The following HMOX2 variants were observed in gnomAD, a reference collection of about 807,000 sequenced individuals.
HMOX2 encodes heme oxygenase 2.
A neutral mutation model predicts 33.7 loss-of-function variants in HMOX2; 30 were observed. That is an observed-to-expected ratio of 0.89 (90% confidence interval 0.67 to 1.21). The LOEUF (loss-of-function observed/expected upper bound fraction) is 1.21. Ranked by LOEUF, HMOX2 falls within the 50% of genes most tolerant of loss-of-function variation. The probability of loss-of-function intolerance (pLI) is 0.00; values close to 1 mark genes in which losing one functional copy is unlikely to be tolerated. For missense variants in HMOX2, 403 were observed against 399.1 expected (o/e 1.01, Z -0.08); for synonymous variants, 155 against 155.0 (o/e 1.00, Z 0.00).
In HMOX2 at chr16:4,486,400, AGT is replaced by A. The variant is rs141736626; in HGVS notation, c.-42+9917_-42+9918del. ...TGAGGCCACAGCAACTTAACTGGCT[AGT>A]GTGGGTGAGGCAGAAGTGTTTGAAG... On this transcript the variant is annotated intron_variant, in intron 1 of 5. Transcript: ENST00000570646. 9.5e-3 allele frequency among the ~76,000 whole-genome samples: 1,450 copies of A among 152,306 alleles called. 13 individuals carry two copies. The highest frequency in any genetic ancestry group is 0.013 in the Non-Finnish European group (851 of 68,026).
rs2058736140 is a variant in HMOX2, at chr16:4,507,938, A to G, written c.430A>G (p.Asn144Asp). 6.2e-7 allele frequency: 1 copy of G among 1,613,824 alleles called. No homozygotes were observed. The highest frequency in any genetic ancestry group is 8.5e-7 in the Non-Finnish European group (1 of 1,179,964). The change falls in exon 4 of 6, where the codon AAC becomes GAC. Residue 144 changes from asparagine to aspartate, a missense_variant. Physicochemically the swap from Asn to Asp is conservative, Grantham distance 23. Transcript: ENST00000570646. ...YVERIHYIGQ[N>D]EPELLVAHAY... ...GGAGCGGATCCACTACATAGGGCAG[A>G]ACGAGCCGGAGCTACTGGTGGCCCA...
chr16:4,499,675 G>C (rs1303379601), intron 1 of HMOX2, among the ~76,000 whole-genome samples: 1 of 152,168 alleles, frequency 6.6e-6, no homozygotes, highest in East Asian at 1.9e-4. Flanking sequence ...GATTTTAAAA[G>C]TTGTCACCAC....
chr16:4,486,558 C>T (rs2058173841), intron 1 of HMOX2, among the ~76,000 whole-genome samples: 1 of 152,154 alleles, frequency 6.6e-6, no homozygotes, highest in African/African-American at 2.4e-5. Context: ...AGGTCACGAA[C>T]TTTTCAAGGA....
intron 1 of HMOX2, among the ~76,000 whole-genome samples, chr16:4,480,882 G>A (rs186096732): frequency 2.4e-4 from 36 of 151,322 alleles, no homozygotes; most frequent in Admixed American, 6.6e-4. Context: ...TCAAACTTCT[G>A]ATGTCAGGTG....
At chr16:4,494,671 G>A (rs2058377930) in intron 1 of HMOX2, among the ~76,000 whole-genome samples, 1 of 151,124 alleles carries the variant, frequency 6.6e-6, no homozygotes, top group South Asian at 2.1e-4. Flanking sequence ...TTGAGTCCAG[G>A]AGTTTGAGAC....
At chr16:4,482,273 C>T (rs1380988160) in intron 1 of HMOX2, among the ~76,000 whole-genome samples, 1 of 152,116 alleles carries the variant, frequency 6.6e-6, no homozygotes, top group Non-Finnish European at 1.5e-5. Context: ...ATATGCTGTT[C>T]TGAGAAACTA....
Position 4,506,944 on chromosome 16 carries a change from G to C in HMOX2, c.136G>C (p.Asp46His). 6.2e-7 allele frequency: 1 copy of C among 1,614,088 alleles called. No homozygotes were observed. Among genetic ancestry groups the C allele is most frequent in the Non-Finnish European group, 8.5e-7 (1 of 1,179,996 alleles). ...GAAGGAAGGGACCAAGGAAGCACAC[G>C]ACCGGGCAGAAAACACCCAGTTTGT... The part of the protein sequence containing the change: ...LLKEGTKEAH[D>H]RAENTQFVKD... Residue 46 changes from aspartate to histidine, a missense_variant, in exon 3 of 6, where the codon GAC (aspartate) becomes CAC (histidine). By Grantham distance (81) the Asp-to-His change is moderately conservative. Transcript: ENST00000570646.
At chr16:4,490,297 G>A (rs1044334173) in intron 1 of HMOX2, among the ~76,000 whole-genome samples, 9 of 152,114 alleles carry the variant, frequency 5.9e-5, no homozygotes, top group Non-Finnish European at 1.2e-4. Flanking sequence ...GCAGGGTATG[G>A]GAGGCCCACA....
At chr16:4,501,321 ATCC>A (rs2058552867) in intron 1 of HMOX2, among the ~76,000 whole-genome samples, 2 of 152,164 alleles carry the variant, frequency 1.3e-5, no homozygotes, top group African/African-American at 4.8e-5. Context: ...GGTGTTTGGG[ATCC>A]TTTTTAAAAA....
intron 1 of HMOX2, among the ~76,000 whole-genome samples, chr16:4,492,774 A>G (rs1785566618): frequency 1.3e-5 from 2 of 150,434 alleles, no homozygotes; most frequent in African/African-American, 4.9e-5. Flanking sequence ...ACAGTGGCTC[A>G]CCTTGTAATT....
chr16:4,477,190 C>T (rs1303801780), intron 1 of HMOX2, among the ~76,000 whole-genome samples: 1 of 152,074 alleles, frequency 6.6e-6, no homozygotes, highest in Non-Finnish European at 1.5e-5. Context: ...CGAGGCCTGC[C>T]TGTGTCATGC....
At chr16:4,488,794 C>T (rs2058236449) in intron 1 of HMOX2, 1 of 151,810 alleles carries the variant, frequency 6.6e-6, no homozygotes, top group Admixed American at 6.6e-5. Context: ...GCATTTGCTA[C>T]CATGACTGTT....
intron 1 of HMOX2, among the ~76,000 whole-genome samples, chr16:4,504,440 A>C (rs1425163903): frequency 9.1e-5 from 13 of 143,572 alleles, no homozygotes; most frequent in South Asian, 4.3e-4. Flanking sequence ...GGCTCACTGC[A>C]ACTTCTGCTT....
At chr16:4,480,363 T>TC (rs1555495683) in intron 1 of HMOX2, among the ~76,000 whole-genome samples, 50 of 148,966 alleles carry the variant, frequency 3.4e-4, no homozygotes, top group African/African-American at 9.6e-4. Context: ...TTTTTTTTTT[T>TC]CCTTAGAGTC....
rs140613792 is a variant in HMOX2 at position 4,509,667 on chromosome 16, A to G, written c.862A>G (p.Met288Val). ...CAGCAGCTGTCCCTTCCGAACAGCT[A>G]TGGCTGTGCTGAGGAAGCCCAGCCT... ...EGSSCPFRTA[M>V]AVLRKPSLQF... Residue 288 changes from methionine (M) to valine (V), a missense_variant, in exon 6 of 6, where the codon ATG (methionine) becomes GTG (valine). Coordinates refer to ENST00000570646, the MANE Select transcript of HMOX2 (RefSeq NM_002134.4). 163 of 1,614,078 alleles carry G rather than the reference A, an allele frequency of 1.0e-4. 1 individual carries two copies. In the East Asian group the frequency reaches 3.2e-3, roughly 31 times the overall value.
chr16:4,485,612 C>T (rs1403715982), intron 1 of HMOX2, among the ~76,000 whole-genome samples: 2 of 152,158 alleles, frequency 1.3e-5, no homozygotes, highest in South Asian at 2.1e-4. Context: ...AAAGAAGAAA[C>T]CCTTCTTAGA....
In HMOX2 at chr16:4,505,486, C is replaced by G. The variant is rs1321273390; in HGVS notation, c.-39C>G. On this transcript the variant is annotated splice_region_variant and 5_prime_UTR_variant, in exon 2 of 6. Coordinates refer to ENST00000570646, the MANE Select transcript of HMOX2 (RefSeq NM_002134.4). Reference sequence around the variant, plus strand: ...ACCAGCTCCTTGTGTCTCTGCAGGACCAGAGGAGCGAGAGCAGCAAGAACC... The same window carrying G: ...ACCAGCTCCTTGTGTCTCTGCAGGAGCAGAGGAGCGAGAGCAGCAAGAACC... 2 of 1,500,230 alleles carry G rather than the reference C, an allele frequency of 1.3e-6. No homozygotes were observed. Among genetic ancestry groups the G allele is most frequent in the Non-Finnish European group, 9.2e-7 (1 of 1,091,856 alleles). The allele number at this position is 1,500,230 out of a possible 1,614,324, so 92.9% of individuals were successfully genotyped here. A position where few individuals can be genotyped will look rare whatever the true frequency, so the allele number is the denominator to read the frequency against.
At chr16:4,489,845 C>G (rs2141552475) in intron 1 of HMOX2, among the ~76,000 whole-genome samples, 1 of 152,142 alleles carries the variant, frequency 6.6e-6, no homozygotes, top group East Asian at 1.9e-4. Context: ...CTCCTGGCCT[C>G]AGTGATCCTC....
chr16:4,476,372 A>T (rs560798987), upstream of HMOX2: 1 of 152,224 alleles, frequency 6.6e-6, no homozygotes, highest in African/African-American at 2.4e-5. Flanking sequence ...CTGCGTGCCC[A>T]CGTTGCGCCG....
Sources: gnomAD v4.1 joint callset for allele counts (sites outside exome capture counted in the v4.1 genomes callset) on GRCh38, gnomAD v4.1.1 for gene constraint, MANE v1.5 for transcripts, NCBI Gene and HGNC (gene_info 2026-07-23, HGNC 2026-07-21) for gene names.